The following DNAJC10 variants were observed in gnomAD, a reference collection of about 807,000 sequenced individuals.
The protein encoded by DNAJC10 is endoplasmic reticulum disulfide reductase DNAJC10.
DNAJC10 carries 101 observed loss-of-function variants against 115.0 expected under a neutral mutation model. The observed-to-expected ratio is 0.88, with a 90% confidence interval of 0.75 to 1.04. DNAJC10 has a LOEUF of 1.04. Ranked by LOEUF, DNAJC10 falls within the 50% of genes least tolerant of loss-of-function variation. The pLI, the probability that DNAJC10 is intolerant of heterozygous loss-of-function variation, is 0.00. For missense variants in DNAJC10, 981 were observed against 928.8 expected (o/e 1.06, Z -0.73); for synonymous variants, 307 against 301.5 (o/e 1.02, Z -0.19).
chr2:182,732,616 T>C (rs546759862), intron 10 of DNAJC10, 74 bp downstream of exon 10: 17 of 1,429,042 alleles, frequency 1.2e-5, no homozygotes, highest in Admixed American at 1.7e-5. Flanking sequence ...TGAAACATTT[T>C]CTTCCCTTAT....
chr2:182,745,825 T>C (rs538314145), intron 14 of DNAJC10, among the ~76,000 whole-genome samples: 21 of 152,224 alleles, frequency 1.4e-4, no homozygotes, highest in African/African-American at 5.1e-4. Flanking sequence ...GCCATGCTGG[T>C]GCGCTGCACC....
rs1199014268 is a variant in DNAJC10 at position 182,787,438 on chromosome 2, T to C, written c.*10306T>C. On this transcript the variant is annotated 3_prime_UTR_variant, in exon 24 of 24. Coordinates refer to ENST00000264065, the MANE Select transcript of DNAJC10 (RefSeq NM_018981.4). ...TATTCAAGAAGTTTATACAAACCCGTAATGTACTACCAAACCGTTCATTCA... is the reference window on the plus strand; with the variant it reads ...TATTCAAGAAGTTTATACAAACCCGCAATGTACTACCAAACCGTTCATTCA... The C allele has an allele frequency of 6.6e-6, 1 of 152,230 alleles. No individual in the cohort carries two copies. Among genetic ancestry groups the C allele is most frequent in the Non-Finnish European group, 1.5e-5 (1 of 68,046 alleles). 9.4% of individuals were successfully genotyped at this position (152,230 alleles called of 1,614,324 possible). A position where few individuals can be genotyped will look rare whatever the true frequency, so the allele number is the denominator to read the frequency against.
In DNAJC10 at chr2:182,779,708, GT is replaced by G. The variant is rs1694799769; in HGVS notation, c.*2579del. The G allele has an allele frequency of 6.6e-6, 1 of 152,120 alleles. No individual in the cohort carries two copies. The highest frequency in any genetic ancestry group is 1.5e-5 in the Non-Finnish European group (1 of 68,018). The allele number at this position is 152,120 out of a possible 1,614,324, so 9.4% of individuals were successfully genotyped here. On this transcript the variant is annotated 3_prime_UTR_variant, in exon 24 of 24. Coordinates refer to ENST00000264065, the MANE Select transcript of DNAJC10 (RefSeq NM_018981.4). ...AGATAAAGGAAAAGTAAAATGAAATGTTTATGTAATTTTATATTCTCAAAAT... is the reference window on the plus strand; with the variant it reads ...AGATAAAGGAAAAGTAAAATGAAATGTTATGTAATTTTATATTCTCAAAAT...
chr2:182,737,859 CAAT>C (rs1425073235), intron 11 of DNAJC10, among the ~76,000 whole-genome samples: 1 of 152,104 alleles, frequency 6.6e-6, no homozygotes, highest in African/African-American at 2.4e-5. Context: ...ACCTTATAAC[CAAT>C]TCATCAAGAA....
chr2:182,742,549 A>G (rs1008679395), intron 13 of DNAJC10, among the ~76,000 whole-genome samples: 7 of 152,180 alleles, frequency 4.6e-5, no homozygotes, highest in African/African-American at 1.2e-4. Context: ...TCTCATTACT[A>G]GAGTCCTCCA....
At chr2:182,746,033 C>T (rs1395899003) in intron 14 of DNAJC10, among the ~76,000 whole-genome samples, 1 of 152,092 alleles carries the variant, frequency 6.6e-6, no homozygotes, top group African/African-American at 2.4e-5. Context: ...TGATGATTTC[C>T]AGTTTCATCC....
chr2:182,758,792 A>G (rs2105682469), intron 19 of DNAJC10, 45 bp from the exon 20 acceptor site: 1 of 1,331,348 alleles, frequency 7.5e-7, no homozygotes, highest in Non-Finnish European at 1.1e-6. Flanking sequence ...AATACATCCA[A>G]TAATAGAGAA....
chr2:182,757,286 G>A (rs148413985), intron 18 of DNAJC10, among the ~76,000 whole-genome samples: 26 of 152,196 alleles, frequency 1.7e-4, no homozygotes, highest in Middle Eastern at 3.4e-3. Flanking sequence ...ACATATTTTT[G>A]TGCTCTTTTC....
In DNAJC10 at chr2:182,786,401, A is replaced by C. The variant is rs1694947721; in HGVS notation, c.*9269A>C. The C allele has an allele frequency of 6.6e-6, 1 of 152,164 alleles. No individual in the cohort carries two copies. Among genetic ancestry groups the C allele is most frequent in the Non-Finnish European group, 1.5e-5 (1 of 68,030 alleles). 9.4% of individuals were successfully genotyped at this position (152,164 alleles called of 1,614,324 possible). A position where few individuals can be genotyped will look rare whatever the true frequency, so the allele number is the denominator to read the frequency against. On this transcript the variant is annotated 3_prime_UTR_variant, in exon 24 of 24. Transcript: ENST00000264065. Reference sequence around the variant, plus strand: ...CCTCAAGCTCTCAATATACTGGAAAATTGTAATCCTGTTCCCTTCACTGAG... The same window carrying C: ...CCTCAAGCTCTCAATATACTGGAAACTTGTAATCCTGTTCCCTTCACTGAG...
chr2:182,775,679 T>G (rs975017710), intron 23 of DNAJC10, among the ~76,000 whole-genome samples: 3 of 152,168 alleles, frequency 2.0e-5, no homozygotes, highest in Non-Finnish European at 4.4e-5. Context: ...ATACAAATAT[T>G]TATAGCTGTA....
chr2:182,735,263 C>G (rs1693555486), intron 10 of DNAJC10, among the ~76,000 whole-genome samples: 1 of 151,698 alleles, frequency 6.6e-6, no homozygotes, highest in African/African-American at 2.4e-5. Flanking sequence ...CTACCTAACG[C>G]AAGAGTACTA....
intron 14 of DNAJC10, among the ~76,000 whole-genome samples, chr2:182,745,824 G>C (rs1315383129): frequency 5.9e-5 from 9 of 151,538 alleles, no homozygotes; most frequent in Non-Finnish European, 8.8e-5. Flanking sequence ...TGCCATGCTG[G>C]TGCGCTGCAC....
chr2:182,729,447 CA>C (rs988565282), intron 7 of DNAJC10, among the ~76,000 whole-genome samples: 5 of 151,022 alleles, frequency 3.3e-5, no homozygotes, highest in African/African-American at 7.3e-5. Context: ...CAGTGCCTGG[CA>C]AAAAAAACAC....
intron 10 of DNAJC10, among the ~76,000 whole-genome samples, chr2:182,735,966 G>T (rs765427375): frequency 6.6e-6 from 1 of 151,994 alleles, no homozygotes. Context: ...TGTAAATGTC[G>T]TTTTTTGTGG....
intron 7 of DNAJC10, chr2:182,729,231 C>T (rs1017042224): frequency 1.4e-5 from 5 of 357,680 alleles, no homozygotes; most frequent in Non-Finnish European, 2.6e-5. Flanking sequence ...TCACTGCAAC[C>T]TCTGCCTCCT....
chr2:182,742,606 A>T (rs1272182506), intron 13 of DNAJC10, among the ~76,000 whole-genome samples: 1 of 152,166 alleles, frequency 6.6e-6, no homozygotes, highest in Admixed American at 6.5e-5. Flanking sequence ...GTGAGTGGCC[A>T]TTTCTCCACG....
intron 22 of DNAJC10, among the ~76,000 whole-genome samples, chr2:182,766,066 A>G (rs1207891326): frequency 6.6e-6 from 1 of 152,246 alleles, no homozygotes; most frequent in Admixed American, 6.5e-5. Flanking sequence ...ATTAGGCACC[A>G]GACCTTGTAG....
At chr2:182,767,101 A>G (rs984272089) in intron 22 of DNAJC10, among the ~76,000 whole-genome samples, 27 of 152,256 alleles carry the variant, frequency 1.8e-4, no homozygotes, top group Admixed American at 1.6e-3. Flanking sequence ...ATAGAAGGGA[A>G]TGAAGCGTAG....
At chr2:182,738,950 C>T (rs1226893895) in intron 11 of DNAJC10, among the ~76,000 whole-genome samples, 1 of 151,924 alleles carries the variant, frequency 6.6e-6, no homozygotes, top group African/African-American at 2.4e-5. Flanking sequence ...CTAACAAATT[C>T]TCCTCTAACA....
Sources: allele counts gnomAD v4.1 joint callset (sites outside exome capture counted in the v4.1 genomes callset), GRCh38; gene constraint gnomAD v4.1.1; transcripts MANE v1.5; gene names NCBI Gene and HGNC (gene_info 2026-07-23, HGNC 2026-07-21).